Variants in GLRX2 observed in about 807,000 individuals in gnomAD.
GLRX2 encodes bA101E13.1 (GRX2 glutaredoxin (thioltransferase) 2).
In GLRX2, 12 loss-of-function variants were observed where a neutral mutation model predicts 16.4. That is an observed-to-expected ratio of 0.73 (90% CI 0.47 to 1.19). The LOEUF (loss-of-function observed/expected upper bound fraction) is 1.19, where lower values mean the gene tolerates loss of function less well. GLRX2 is among the 50% of genes most tolerant of loss of function. The probability of loss-of-function intolerance (pLI) is 0.00; values close to 1 mark genes in which losing one functional copy is unlikely to be tolerated. For missense variants in GLRX2, 201 were observed against 201.8 expected (o/e 1.00, Z 0.02); for synonymous variants, 95 against 76.2 (o/e 1.25, Z -1.28).
chr1:193,097,813 ATAAAT>A lies in GLRX2; in HGVS notation c.184-58_184-54del, dbSNP rs747704976. On this transcript the variant is annotated intron_variant, in intron 2 of 3. Coordinates refer to ENST00000367439, the MANE Select transcript of GLRX2 (RefSeq NM_197962.3). ...TAATTCTAGACATTACCATTTGGAA[ATAAAT>A]TAAGATATAATGGAAAGGGTATGGA... 2.5e-5 allele frequency: 31 copies of A among 1,237,628 alleles called. 1 individual carries two copies. The highest frequency in any genetic ancestry group is 1.0e-4 in the Admixed American group (4 of 38,420). The allele number at this position is 1,237,628 out of a possible 1,614,324, so 76.7% of individuals were successfully genotyped here. A position where few individuals can be genotyped will look rare whatever the true frequency, so the allele number is the denominator to read the frequency against.
Position 193,096,636 on chromosome 1 carries a change from C to T in GLRX2, c.484G>A (p.Glu162Lys), listed in dbSNP as rs1674964471. The change falls in exon 4 of 4, where the codon GAA (glutamate) becomes AAA (lysine). Residue 162 changes from glutamate to lysine, a missense_variant. Glu to Lys is a moderately conservative substitution (Grantham distance 56, BLOSUM62 1). Coordinates refer to ENST00000367439, the MANE Select transcript of GLRX2 (RefSeq NM_197962.3). Reference sequence around the variant, plus strand: ...TATTAGTATAAACATCACTGAAATTCTTTCCTCTTACTTTTTTTTAAATAA... The same window carrying T: ...TATTAGTATAAACATCACTGAAATTTTTTCCTCTTACTTTTTTTTAAATAA... ...QCYLKKSKRK[E>K]FQ 4.4e-6 allele frequency: 7 copies of T among 1,582,462 alleles called. No homozygotes were observed. The highest frequency in any genetic ancestry group is 6.1e-6 in the Non-Finnish European group (7 of 1,154,006).
intron 1 of GLRX2, among the ~76,000 whole-genome samples, chr1:193,104,101 T>C (rs1473161369): frequency 6.6e-6 from 1 of 152,172 alleles, no homozygotes; most frequent in Non-Finnish European, 1.5e-5. Context: ...CATTTACTAC[T>C]GAAGGAGCTC....
intron 2 of GLRX2, 61 bp downstream of exon 2, chr1:193,101,080 T>A: frequency 1.0e-6 from 1 of 977,848 alleles, no homozygotes; most frequent in South Asian, 1.3e-5. Context: ...ATATTAAATA[T>A]ATAAGGGACA....
At chr1:193,100,749 A>C (rs1205675752) in intron 2 of GLRX2, among the ~76,000 whole-genome samples, 2 of 152,228 alleles carry the variant, frequency 1.3e-5, no homozygotes, top group Non-Finnish European at 2.9e-5. Context: ...CGGAGTAACT[A>C]CTGCACACTA....
intron 1 of GLRX2, among the ~76,000 whole-genome samples, chr1:193,102,719 A>T (rs993977529): frequency 6.6e-6 from 1 of 152,176 alleles, no homozygotes; most frequent in Non-Finnish European, 1.5e-5. Flanking sequence ...TTATCCTTGG[A>T]TAATGAACAT....
At chr1:193,099,690 A>C (rs542232370) in intron 2 of GLRX2, among the ~76,000 whole-genome samples, 1 of 152,176 alleles carries the variant, frequency 6.6e-6, no homozygotes, top group South Asian at 2.1e-4. Flanking sequence ...AAGGCCAAAA[A>C]CCAGAAAGTA....
chr1:193,099,822 G>A (rs1274065224), intron 2 of GLRX2, among the ~76,000 whole-genome samples: 1 of 152,136 alleles, frequency 6.6e-6, no homozygotes, highest in Non-Finnish European at 1.5e-5. Context: ...GTAATATTTA[G>A]TATAAAAGTC....
upstream of GLRX2, chr1:193,105,712 T>C: frequency 6.7e-7 from 1 of 1,488,958 alleles, no homozygotes; most frequent in Non-Finnish European, 9.0e-7. Context: ...AAGCAGTGCA[T>C]GAGGATGGTG....
chr1:193,101,512 T>C (rs1408333429), intron 1 of GLRX2, among the ~76,000 whole-genome samples: 2 of 152,226 alleles, frequency 1.3e-5, no homozygotes, highest in Non-Finnish European at 2.9e-5. Context: ...TTCCATCCTA[T>C]GCCATATGAC....
At chr1:193,105,486 C>G (rs1004793672), upstream of GLRX2, 2 of 1,505,406 alleles carry the variant, frequency 1.3e-6, no homozygotes, top group Admixed American at 2.2e-5. Flanking sequence ...CCGTCCCGCC[C>G]CTCCGGACTG....
intron 2 of GLRX2, among the ~76,000 whole-genome samples, chr1:193,098,795 C>A (rs1675013004): frequency 6.6e-6 from 1 of 152,128 alleles, no homozygotes; most frequent in East Asian, 1.9e-4. Flanking sequence ...AGGTGATCCA[C>A]CCGCCTCAGC....
intron 1 of GLRX2, among the ~76,000 whole-genome samples, chr1:193,104,928 C>T (rs907430457): frequency 1.3e-5 from 2 of 152,272 alleles, no homozygotes; most frequent in Non-Finnish European, 2.9e-5. Flanking sequence ...TTGGGACACA[C>T]TTGGACTAAG....
chr1:193,098,115 C>G (rs1214923926), intron 2 of GLRX2, among the ~76,000 whole-genome samples: 1 of 152,172 alleles, frequency 6.6e-6, no homozygotes, highest in Non-Finnish European at 1.5e-5. Context: ...ATTGTCCCCA[C>G]TTCACAGTTG....
upstream of GLRX2, chr1:193,105,562 A>G (rs1075660): frequency 4.7e-5 from 75 of 1,602,426 alleles, no homozygotes; most frequent in African/African-American, 9.4e-4. Context: ...CGAGCGCTGG[A>G]TTCCAGCGAG....
chr1:193,099,743 G>A (rs1035555376), intron 2 of GLRX2, among the ~76,000 whole-genome samples: 1 of 152,182 alleles, frequency 6.6e-6, no homozygotes, highest in Non-Finnish European at 1.5e-5. Flanking sequence ...TTGGGTGTCA[G>A]AAGGGTCCTG....
chr1:193,105,721 T>A, upstream of GLRX2: 4 of 1,458,730 alleles, frequency 2.7e-6, no homozygotes, highest in Non-Finnish European at 3.6e-6. Context: ...ATGAGGATGG[T>A]GGCAGACATG....
chr1:193,097,849 GTC>G (rs957711125), intron 2 of GLRX2, 89 bp from the exon 3 acceptor site: 8 of 884,316 alleles, frequency 9.0e-6, no homozygotes, highest in African/African-American at 5.2e-5. Context: ...ATGGATTTTG[GTC>G]TCTCATGATT....
chr1:193,096,622 AC>A lies in GLRX2; in HGVS notation c.*2del, dbSNP rs772713285. On this transcript the variant is annotated 3_prime_UTR_variant, in exon 4 of 4. Transcript: ENST00000367439. Reference sequence around the variant, plus strand: ...TGTACTAGCAAACTTATTAGTATAAACATCACTGAAATTCTTTCCTCTTACT... The same window carrying A: ...TGTACTAGCAAACTTATTAGTATAAAATCACTGAAATTCTTTCCTCTTACT... 3.2e-6 allele frequency: 5 copies of A among 1,548,382 alleles called. No individual in the cohort carries two copies. The highest frequency in any genetic ancestry group is 4.4e-6 in the Non-Finnish European group (5 of 1,124,372).
At chr1:193,105,601 G>C (rs1446383443), upstream of GLRX2, 3 of 1,606,470 alleles carry the variant, frequency 1.9e-6, no homozygotes, top group South Asian at 1.1e-5. Context: ...ATCCTTTAGA[G>C]GGGAGAAGCG....
Sources: gnomAD v4.1 joint callset for allele counts (sites outside exome capture counted in the v4.1 genomes callset) on GRCh38, gnomAD v4.1.1 for gene constraint, MANE v1.5 for transcripts, NCBI Gene and HGNC (gene_info 2026-07-23, HGNC 2026-07-21) for gene names.